The following LRMDA variants were observed in gnomAD, a reference collection of about 807,000 sequenced individuals.
The protein encoded by LRMDA is leucine rich melanocyte differentiation associated, also known as leucine-rich melanocyte differentiation-associated protein.
Under a neutral mutation model 29.8 loss-of-function variants are expected in LRMDA, and 18 were observed. That is an observed-to-expected ratio of 0.60 (90% CI 0.42 to 0.90). The LOEUF is 0.90. Among genes scored for constraint, LRMDA ranks in the 40% least tolerant of loss-of-function variants. The probability of loss-of-function intolerance (pLI) is 0.00; values close to 1 mark genes in which losing one functional copy is unlikely to be tolerated. For synonymous variants in LRMDA, 125 were observed against 109.4 expected (o/e 1.14, Z -0.89); for missense variants, 273 against 273.9 (o/e 1.00, Z 0.02).
intron 2 of LRMDA, among the ~76,000 whole-genome samples, chr10:75,941,035 G>A (rs1846382319): frequency 6.6e-6 from 1 of 152,174 alleles, no homozygotes; most frequent in South Asian, 2.1e-4. Context: ...ATTGGTGTCT[G>A]CTAAGGGGGA....
chr10:76,138,020 G>A (rs1181039580), intron 5 of LRMDA, among the ~76,000 whole-genome samples: 1 of 152,134 alleles, frequency 6.6e-6, no homozygotes, highest in Non-Finnish European at 1.5e-5. Context: ...GCTCATAGGA[G>A]TTGTGTATTG....
At chr10:75,792,992 C>T (rs1185062821) in intron 2 of LRMDA, among the ~76,000 whole-genome samples, 2 of 152,084 alleles carry the variant, frequency 1.3e-5, no homozygotes, top group Non-Finnish European at 2.9e-5. Flanking sequence ...ATAGCAAGCT[C>T]GTGGTCACGG....
At chr10:75,850,905 C>T (rs932039423) in intron 2 of LRMDA, among the ~76,000 whole-genome samples, 1 of 152,078 alleles carries the variant, frequency 6.6e-6, no homozygotes, top group African/African-American at 2.4e-5. Context: ...GGTTTGAAGG[C>T]ATGAACAATG....
At chr10:76,278,148 ACT>A (rs1840159250) in intron 5 of LRMDA, among the ~76,000 whole-genome samples, 1 of 152,188 alleles carries the variant, frequency 6.6e-6, no homozygotes, top group African/African-American at 2.4e-5. Context: ...AATTTCTGGC[ACT>A]GTCTGGGATG....
chr10:76,164,166 C>G (rs1469597116), intron 5 of LRMDA, among the ~76,000 whole-genome samples: 1 of 152,092 alleles, frequency 6.6e-6, no homozygotes, highest in Non-Finnish European at 1.5e-5. Context: ...GGAATTTGCT[C>G]TAGGTCCCAA....
intron 2 of LRMDA, among the ~76,000 whole-genome samples, chr10:75,697,834 A>AGTGTGTGT (rs377639647): frequency 0.073 from 9,692 of 132,088 alleles, 404 homozygotes; most frequent in South Asian, 0.14. Flanking sequence ...TGCATGTAAG[A>AGTGTGTGT]GTGTGTGTGT....
intron 2 of LRMDA, among the ~76,000 whole-genome samples, chr10:75,742,375 A>G (rs1417664075): frequency 1.3e-5 from 2 of 152,214 alleles, no homozygotes; most frequent in African/African-American, 2.4e-5. Context: ...GTTCAACAAG[A>G]TGGAGAGAGA....
At chr10:75,814,954 A>G (rs1411603305) in intron 2 of LRMDA, among the ~76,000 whole-genome samples, 1 of 152,238 alleles carries the variant, frequency 6.6e-6, no homozygotes, top group African/African-American at 2.4e-5. Flanking sequence ...TTACAATAAT[A>G]TCTTCCAAAA....
chr10:76,469,791 C>T (rs1403703552), intron 6 of LRMDA, among the ~76,000 whole-genome samples: 2 of 152,068 alleles, frequency 1.3e-5, no homozygotes, highest in East Asian at 3.9e-4. Context: ...CCTGGGTTCA[C>T]AAAAAACCTA....
chr10:76,255,332 G>A lies in LRMDA; in HGVS notation c.517-69069G>A, dbSNP rs559848755. On this transcript the variant is annotated intron_variant, in intron 5 of 6. Coordinates refer to ENST00000611255, the MANE Select transcript of LRMDA (RefSeq NM_001305581.2). ...GCAATCTTCCGCTGTCCTTAAGTCA[G>A]CAAGGATTTATGAGAGTGCTTGATG... Among the ~76,000 whole-genome samples the A allele has an allele frequency of 2.6e-5, 4 of 152,278 alleles. No individual in the cohort carries two copies. The South Asian group carries it at 8.3e-4, about 32-fold the overall frequency.
chr10:76,324,936 C>T (rs1840816862), intron 6 of LRMDA, among the ~76,000 whole-genome samples: 1 of 152,068 alleles, frequency 6.6e-6, no homozygotes, highest in African/African-American at 2.4e-5. Flanking sequence ...TTGAGAGAAG[C>T]CATGTGCAGT....
chr10:76,207,217 G>C (rs1479226382), intron 5 of LRMDA, among the ~76,000 whole-genome samples: 1 of 152,212 alleles, frequency 6.6e-6, no homozygotes, highest in East Asian at 1.9e-4. Flanking sequence ...GCTCTGAACA[G>C]TGAGCTGTTT....
At chr10:75,496,820 C>T (rs1845049587) in intron 2 of LRMDA, among the ~76,000 whole-genome samples, 1 of 152,060 alleles carries the variant, frequency 6.6e-6, no homozygotes, top group Non-Finnish European at 1.5e-5. Context: ...CAGAAAAATG[C>T]ACGTATGTTT....
At chr10:76,271,892 G>A (rs1840072360) in intron 5 of LRMDA, among the ~76,000 whole-genome samples, 1 of 152,176 alleles carries the variant, frequency 6.6e-6, no homozygotes, top group African/African-American at 2.4e-5. Context: ...CAGACTCAAA[G>A]TATACCAAAA....
At chr10:76,153,158 T>G (rs1025317636) in intron 5 of LRMDA, among the ~76,000 whole-genome samples, 1 of 152,108 alleles carries the variant, frequency 6.6e-6, no homozygotes, top group African/African-American at 2.4e-5. Context: ...TATTTTTAAA[T>G]TGAGTTATTT....
At chr10:76,200,033 C>T (rs567103813) in intron 5 of LRMDA, among the ~76,000 whole-genome samples, 2 of 152,198 alleles carry the variant, frequency 1.3e-5, no homozygotes, top group Non-Finnish European at 2.9e-5. Flanking sequence ...ACAATCTTGC[C>T]TTACTGCAGC....
chr10:75,674,068 CTT>C (rs1841931964), intron 2 of LRMDA, among the ~76,000 whole-genome samples: 1 of 152,108 alleles, frequency 6.6e-6, no homozygotes, highest in African/African-American at 2.4e-5. Context: ...AGCTTGCTGT[CTT>C]TGAGAAAATA....
intron 3 of LRMDA, among the ~76,000 whole-genome samples, chr10:76,037,892 T>A (rs965161067): frequency 1.3e-5 from 2 of 152,210 alleles, no homozygotes; most frequent in African/African-American, 4.8e-5. Flanking sequence ...TATTGTCACT[T>A]TGATAGAAGT....
At chr10:76,458,121 C>T (rs1842475779) in intron 6 of LRMDA, among the ~76,000 whole-genome samples, 2 of 68,164 alleles carry the variant, frequency 2.9e-5, no homozygotes, top group Admixed American at 1.4e-4. Flanking sequence ...ACTCCTAGTG[C>T]TTTCAAAAAA....
Sources: gnomAD v4.1 joint callset for allele counts (sites outside exome capture counted in the v4.1 genomes callset) on GRCh38, gnomAD v4.1.1 for gene constraint, MANE v1.5 for transcripts, NCBI Gene and HGNC (gene_info 2026-07-23, HGNC 2026-07-21) for gene names.